NAALADL2: variants seen among roughly 807,000 people sequenced by gnomAD.
NAALADL2 encodes the protein N-acetylated alpha-linked acidic dipeptidase like 2, also known as inactive N-acetylated-alpha-linked acidic dipeptidase-like protein 2.
In NAALADL2, 76 loss-of-function variants were observed where a neutral mutation model predicts 87.2. The ratio of observed to expected loss-of-function variants is 0.87; its 90% CI spans 0.72 to 1.05. The LOEUF (loss-of-function observed/expected upper bound fraction) is 1.05. Among genes scored for constraint, NAALADL2 ranks in the 50% least tolerant of loss-of-function variants. NAALADL2 has a pLI of 0.00. For missense variants in NAALADL2, 1,089 were observed against 945.8 expected (o/e 1.15, Z -1.99); for synonymous variants, 354 against 331.0 (o/e 1.07, Z -0.75).
chr3:175,466,086 A>G (rs1351465434), intron 7 of NAALADL2, among the ~76,000 whole-genome samples: 1 of 152,218 alleles, frequency 6.6e-6, no homozygotes, highest in African/African-American at 2.4e-5. Context: ...AGTGACTTGC[A>G]CAGCCTGGAT....
intron 5 of NAALADL2, among the ~76,000 whole-genome samples, chr3:175,383,729 T>C (rs1768050089): frequency 6.6e-6 from 1 of 151,996 alleles, no homozygotes; most frequent in Non-Finnish European, 1.5e-5. Flanking sequence ...ACCAGAGAAG[T>C]TCTTTTACTT....
At chr3:175,583,703 GCTTTA>G (rs1301195160) in intron 10 of NAALADL2, among the ~76,000 whole-genome samples, 2 of 152,104 alleles carry the variant, frequency 1.3e-5, no homozygotes, top group African/African-American at 4.8e-5. Flanking sequence ...AAAAGCCTTG[GCTTTA>G]CTTCAAAATA....
At chr3:175,081,275 G>GT (rs1717761533) in intron 1 of NAALADL2, 1 of 152,158 alleles carries the variant, frequency 6.6e-6, no homozygotes. Context: ...ATATAACACA[G>GT]TGTAATTATA....
intron 2 of NAALADL2, among the ~76,000 whole-genome samples, chr3:175,225,554 A>C (rs1316910726): frequency 6.6e-6 from 1 of 152,100 alleles, no homozygotes; most frequent in South Asian, 2.1e-4. Context: ...AGTGTTTAAT[A>C]TGCTTATTTT....
At chr3:174,700,120 A>T (rs1369250324) in intron 2 of NAALADL2, among the ~76,000 whole-genome samples, 1 of 151,756 alleles carries the variant, frequency 6.6e-6, no homozygotes, top group Non-Finnish European at 1.5e-5. Context: ...GAAAAAAAAA[A>T]TGTATTTGCT....
intron 2 of NAALADL2, chr3:175,218,085 A>G (rs1454042046): frequency 2.3e-5 from 10 of 432,352 alleles, no homozygotes. Flanking sequence ...GGATAAAATG[A>G]AGCACACTGG....
At chr3:175,496,606 G>A (rs1728847301) in intron 9 of NAALADL2, among the ~76,000 whole-genome samples, 1 of 152,110 alleles carries the variant, frequency 6.6e-6, no homozygotes, top group Non-Finnish European at 1.5e-5. Flanking sequence ...CCAAGCTAGA[G>A]TGCAGTGGTG....
intron 1 of NAALADL2, among the ~76,000 whole-genome samples, chr3:174,882,171 C>A (rs541525070): frequency 6.2e-4 from 95 of 152,116 alleles, no homozygotes; most frequent in African/African-American, 2.2e-3. Context: ...TAATTTACCA[C>A]TGATTTTCCT....
chr3:175,467,593 A>G (rs1262470302), intron 8 of NAALADL2, among the ~76,000 whole-genome samples: 1 of 152,200 alleles, frequency 6.6e-6, no homozygotes, highest in Admixed American at 6.5e-5. Flanking sequence ...TTATTGCCTT[A>G]GCATTATATT....
At chr3:175,285,610 A>C (rs1255691841) in intron 4 of NAALADL2, among the ~76,000 whole-genome samples, 2 of 152,168 alleles carry the variant, frequency 1.3e-5, no homozygotes, top group African/African-American at 4.8e-5. Flanking sequence ...TCATTTAGCT[A>C]CTTGTGCTTT....
chr3:174,988,315 G>A (rs1746254003), intron 1 of NAALADL2, among the ~76,000 whole-genome samples: 1 of 152,144 alleles, frequency 6.6e-6, no homozygotes, highest in Admixed American at 6.5e-5. Context: ...TACAGTAGAA[G>A]CAGTGAAGAA....
At chr3:175,099,856 C>A (rs939897325) in intron 2 of NAALADL2, among the ~76,000 whole-genome samples, 9 of 152,026 alleles carry the variant, frequency 5.9e-5, no homozygotes, top group African/African-American at 2.2e-4. Context: ...GTGCCATCAT[C>A]TAATAGACAT....
intron 5 of NAALADL2, among the ~76,000 whole-genome samples, chr3:175,422,290 GATATA>G (rs1715837365): frequency 6.6e-6 from 1 of 152,086 alleles, no homozygotes; most frequent in African/African-American, 2.4e-5. Context: ...TCCTTCCTAA[GATATA>G]ATAGGGAAGA....
At chr3:175,053,649 A>G (rs1271652950) in intron 1 of NAALADL2, among the ~76,000 whole-genome samples, 1 of 152,238 alleles carries the variant, frequency 6.6e-6, no homozygotes, top group Non-Finnish European at 1.5e-5. Context: ...ACTTTCTGTT[A>G]TACAAAGTGA....
At chr3:175,459,323 G>A (rs978387395) in intron 6 of NAALADL2, among the ~76,000 whole-genome samples, 1 of 152,014 alleles carries the variant, frequency 6.6e-6, no homozygotes, top group African/African-American at 2.4e-5. Context: ...TAGTAATAGG[G>A]TGGGTAGATA....
chr3:175,402,129 T>C (rs540806066), intron 5 of NAALADL2, among the ~76,000 whole-genome samples: 1 of 152,212 alleles, frequency 6.6e-6, no homozygotes, highest in African/African-American at 2.4e-5. Flanking sequence ...TCAGGTACAA[T>C]TAATCTTTAA....
rs540422646 is a variant in NAALADL2 at position 174,926,634 on chromosome 3, A to C, written c.43+67184A>C. ...TTCATAAGTGAAGGAGAAATAAAAT[A>C]CTTTACAGACAAGCAAATGCTGAGA... On this transcript the variant is annotated intron_variant, in intron 1 of 13. Coordinates refer to ENST00000454872, the MANE Select transcript of NAALADL2 (RefSeq NM_207015.3). 2.2e-3 allele frequency among the ~76,000 whole-genome samples: 338 copies of C among 152,218 alleles called. 3 individuals are homozygous for C. Among genetic ancestry groups the C allele is most frequent in the African/African-American group, 6.7e-3 (279 of 41,554 alleles).
At chr3:174,623,035 T>G (rs1006431913) in intron 2 of NAALADL2, among the ~76,000 whole-genome samples, 10 of 152,066 alleles carry the variant, frequency 6.6e-5, no homozygotes, top group African/African-American at 2.4e-4. Context: ...AGAGTGAGAC[T>G]CCGTCTCAAA....
chr3:174,921,339 TA>T (rs1735155652), intron 1 of NAALADL2, among the ~76,000 whole-genome samples: 1 of 152,302 alleles, frequency 6.6e-6, no homozygotes, highest in East Asian at 1.9e-4. Flanking sequence ...CTAAATCACT[TA>T]AATACAATTT....
Sources: allele counts gnomAD v4.1 joint callset (sites outside exome capture counted in the v4.1 genomes callset), GRCh38; gene constraint gnomAD v4.1.1; transcripts MANE v1.5; gene names NCBI Gene and HGNC (gene_info 2026-07-23, HGNC 2026-07-21).